The following RPS6KC1 variants were observed in gnomAD, a reference collection of about 807,000 sequenced individuals.
RPS6KC1 encodes ribosomal protein S6 kinase C1, also known as inactive ribosomal protein S6 kinase delta-1.
In RPS6KC1, 54 loss-of-function variants were observed where a neutral mutation model predicts 103.8. The observed-to-expected ratio is 0.52, with a 90% confidence interval of 0.42 to 0.65. The LOEUF is 0.65. Among genes scored for constraint, RPS6KC1 ranks in the 30% least tolerant of loss-of-function variants. The pLI is 0.00. For synonymous variants in RPS6KC1, 439 were observed against 438.7 expected, an observed-to-expected ratio of 1.00 and a Z score of -0.01; for missense variants, 1,151 against 1,253.8, an observed-to-expected ratio of 0.92 and a Z score of 1.24.
At chr1:213,574,486 G>C in the RPS6KC1 span, among the ~76,000 whole-genome samples, 7 of 152,176 alleles carry the variant, frequency 4.6e-5, no homozygotes, top group Admixed American at 4.6e-4. Flanking sequence ...ATACCCTGGA[G>C]GGTCTCTATT....
the RPS6KC1 span, among the ~76,000 whole-genome samples, chr1:213,850,796 C>CTT: frequency 1.3e-3 from 186 of 142,124 alleles, no homozygotes; most frequent in Middle Eastern, 3.7e-3. Context: ...GCTTACTTGG[C>CTT]TTTTTTTTTT....
chr1:213,562,370 T>G, the RPS6KC1 span, among the ~76,000 whole-genome samples: 13 of 12,822 alleles, frequency 1.0e-3, no homozygotes, highest in Admixed American at 4.1e-3. Flanking sequence ...TTTTTTTTTT[T>G]TTTTTTTTTT....
the RPS6KC1 span, among the ~76,000 whole-genome samples, chr1:213,478,070 A>G: frequency 6.6e-6 from 1 of 152,070 alleles, no homozygotes; most frequent in Non-Finnish European, 1.5e-5. Context: ...TACCATCTCC[A>G]TAGTTTTGCC....
At chr1:213,655,834 C>T in the RPS6KC1 span, among the ~76,000 whole-genome samples, 1 of 152,002 alleles carries the variant, frequency 6.6e-6, no homozygotes, top group African/African-American at 2.4e-5. Flanking sequence ...TCTGTGCTCC[C>T]CCCAGGATGA....
chr1:213,434,301 G>A, the RPS6KC1 span, among the ~76,000 whole-genome samples: 2 of 151,968 alleles, frequency 1.3e-5, no homozygotes, highest in African/African-American at 4.8e-5. Flanking sequence ...ATTTCACCTT[G>A]AGTTTTGAAA....
chr1:213,449,395 G>C, the RPS6KC1 span, among the ~76,000 whole-genome samples: 1 of 152,172 alleles, frequency 6.6e-6, no homozygotes, highest in East Asian at 1.9e-4. Context: ...AGATCAATGT[G>C]TTGGCAGGCT....
intron 8 of RPS6KC1, among the ~76,000 whole-genome samples, chr1:213,222,001 A>T (rs1467331441): frequency 1.3e-5 from 2 of 152,158 alleles, no homozygotes; most frequent in African/African-American, 4.8e-5. Context: ...CCTCAAAGAG[A>T]TATTTCCTTT....
chr1:213,270,100 A>C (rs2095010986), intron 14 of RPS6KC1, among the ~76,000 whole-genome samples: 1 of 152,180 alleles, frequency 6.6e-6, no homozygotes, highest in African/African-American at 2.4e-5. Context: ...ATAATGTCCA[A>C]AACAATTTTG....
the RPS6KC1 span, among the ~76,000 whole-genome samples, chr1:213,545,397 A>AATAT: frequency 5.0e-4 from 44 of 87,868 alleles, no homozygotes; most frequent in Middle Eastern, 5.9e-3. Flanking sequence ...TAAATAAATA[A>AATAT]ATAAATAAAT....
At chr1:213,529,848 G>A in the RPS6KC1 span, among the ~76,000 whole-genome samples, 6 of 152,194 alleles carry the variant, frequency 3.9e-5, no homozygotes, top group Admixed American at 3.9e-4. Context: ...TTAGTTTCTG[G>A]TAGGCCAATT....
chr1:213,182,910 ATATC>A (rs2092351460), intron 8 of RPS6KC1, among the ~76,000 whole-genome samples: 2 of 149,618 alleles, frequency 1.3e-5, no homozygotes. Context: ...TATCATATAT[ATATC>A]ATGATATATA....
At chr1:213,225,751 A>G (rs1204645006) in intron 8 of RPS6KC1, among the ~76,000 whole-genome samples, 1 of 152,190 alleles carries the variant, frequency 6.6e-6, no homozygotes, top group African/African-American at 2.4e-5. Context: ...GTAAGGAGGT[A>G]TCACTCCTGA....
the RPS6KC1 span, among the ~76,000 whole-genome samples, chr1:213,479,694 T>C: frequency 1.3e-3 from 200 of 152,176 alleles, 2 homozygotes; most frequent in African/African-American, 4.5e-3. Context: ...ATAAATGCCA[T>C]ATCCAGTTAG....
chr1:213,312,925 G>A, the RPS6KC1 span, among the ~76,000 whole-genome samples: 1 of 152,146 alleles, frequency 6.6e-6, no homozygotes, highest in Admixed American at 6.5e-5. Context: ...TGCATTTCAT[G>A]CTAAAAGTTA....
chr1:213,144,199 C>G (rs1355537796), intron 6 of RPS6KC1, among the ~76,000 whole-genome samples: 1 of 152,110 alleles, frequency 6.6e-6, no homozygotes, highest in Non-Finnish European at 1.5e-5. Flanking sequence ...ATTCTGCCTC[C>G]TGTACCTGTG....
At chr1:213,772,381 A>G in the RPS6KC1 span, among the ~76,000 whole-genome samples, 2 of 152,336 alleles carry the variant, frequency 1.3e-5, no homozygotes, top group African/African-American at 4.8e-5. Context: ...AACTCCCACA[A>G]TGTCGCAAGA....
At chr1:213,846,499 A>G in the RPS6KC1 span, among the ~76,000 whole-genome samples, 1 of 152,168 alleles carries the variant, frequency 6.6e-6, no homozygotes, top group Non-Finnish European at 1.5e-5. Context: ...ATAAAAATAT[A>G]AACAGACCTT....
the RPS6KC1 span, among the ~76,000 whole-genome samples, chr1:213,846,299 C>CA: frequency 1.1e-4 from 17 of 149,200 alleles, no homozygotes; most frequent in Middle Eastern, 3.5e-3. Flanking sequence ...GACTCCATCT[C>CA]AAAAAAAAAG....
At chr1:213,352,831 C>T in the RPS6KC1 span, among the ~76,000 whole-genome samples, 2 of 152,054 alleles carry the variant, frequency 1.3e-5, no homozygotes, top group Non-Finnish European at 1.5e-5. Flanking sequence ...CCTATGGATG[C>T]TTCTACCTAA....
Sources: allele counts gnomAD v4.1 joint callset (sites outside exome capture counted in the v4.1 genomes callset), GRCh38; gene constraint gnomAD v4.1.1; transcripts MANE v1.5; gene names NCBI Gene and HGNC (gene_info 2026-07-23, HGNC 2026-07-21).